The following AMPH variants were observed in gnomAD, a reference collection of about 807,000 sequenced individuals.
The protein encoded by AMPH is amphiphysin.
Under a neutral mutation model 99.1 loss-of-function variants are expected in AMPH, and 49 were observed. The ratio of observed to expected loss-of-function variants is 0.49; its 90% confidence interval spans 0.39 to 0.63. The LOEUF is 0.63. Among genes scored for constraint, AMPH ranks in the 20% least tolerant of loss-of-function variants. The pLI, the probability that AMPH is intolerant of heterozygous loss-of-function variation, is 0.00. For missense variants in AMPH, 759 were observed against 863.4 expected (o/e 0.88, Z 1.52); for synonymous variants, 314 against 317.3 (o/e 0.99, Z 0.11).
chr7:38,505,084 A>G (rs913276277), intron 2 of AMPH, among the ~76,000 whole-genome samples: 1 of 152,196 alleles, frequency 6.6e-6, no homozygotes, highest in Non-Finnish European at 1.5e-5. Context: ...AAAAAACAAA[A>G]CAATTGCACT....
chr7:38,466,651 G>A (rs1025781509), intron 7 of AMPH, among the ~76,000 whole-genome samples: 3 of 151,886 alleles, frequency 2.0e-5, no homozygotes, highest in Admixed American at 6.6e-5. Context: ...CCCGCCCTGA[G>A]AACTTATTTA....
intron 1 of AMPH, among the ~76,000 whole-genome samples, chr7:38,593,112 A>G (rs1792920681): frequency 6.6e-6 from 1 of 152,218 alleles, no homozygotes; most frequent in Admixed American, 6.5e-5. Context: ...CTTACAAAGC[A>G]CTTGGCACAC....
intron 1 of AMPH, among the ~76,000 whole-genome samples, chr7:38,608,241 C>T (rs1370514842): frequency 1.3e-5 from 2 of 152,220 alleles, no homozygotes; most frequent in African/African-American, 2.4e-5. Flanking sequence ...TTGTGAGTAT[C>T]TGAGCACGGC....
chr7:38,517,424 C>A (rs549412752), intron 2 of AMPH, among the ~76,000 whole-genome samples: 1 of 152,286 alleles, frequency 6.6e-6, no homozygotes, highest in African/African-American at 2.4e-5. Context: ...CTGCTTCAGC[C>A]ATGTAAGCTG....
At chr7:38,429,004 C>T in intron 14 of AMPH, 15 of 1,290,020 alleles carry the variant, frequency 1.2e-5, no homozygotes, top group Non-Finnish European at 1.5e-5. Context: ...GCTTTCTCTT[C>T]AAATTCCTCT....
At chr7:38,488,121 C>A (rs1180513932) in intron 5 of AMPH, among the ~76,000 whole-genome samples, 1 of 152,168 alleles carries the variant, frequency 6.6e-6, no homozygotes, top group African/African-American at 2.4e-5. Context: ...TGTGGCAATT[C>A]CTCAAGGATC....
intron 7 of AMPH, among the ~76,000 whole-genome samples, chr7:38,466,651 G>C (rs1025781509): frequency 6.6e-6 from 1 of 151,886 alleles, no homozygotes; most frequent in Admixed American, 6.6e-5. Flanking sequence ...CCCGCCCTGA[G>C]AACTTATTTA....
chr7:38,610,368 GAAA>G (rs1793630012), intron 1 of AMPH, among the ~76,000 whole-genome samples: 1 of 41,660 alleles, frequency 2.4e-5, no homozygotes, highest in Non-Finnish European at 5.1e-5. Context: ...GAAAAGAAAA[GAAA>G]AGAAAGGAAA....
chr7:38,403,478 G>A (rs1196263268), intron 17 of AMPH, among the ~76,000 whole-genome samples: 2 of 152,160 alleles, frequency 1.3e-5, no homozygotes, highest in African/African-American at 4.8e-5. Flanking sequence ...GAAATGGCAG[G>A]TGCCATACCG....
At position 38,406,731 on chromosome 7, in the gene AMPH, CCTCTCTCTCTCTCTCTCT is replaced by C. The variant is rs56738810; in HGVS notation, c.1398+11076_1398+11093del. On this transcript the variant is annotated intron_variant, in intron 17 of 20. Coordinates refer to ENST00000356264, the MANE Select transcript of AMPH (RefSeq NM_001635.4). ...CTCCTCTCCTCTCTCTCTCCCTTTCCCTCTCTCTCTCTCTCTCTCTCTCTCTCTCTCTCTCTCTCTCTC... is the reference window on the plus strand; with the variant it reads ...CTCCTCTCCTCTCTCTCTCCCTTTCCCTCTCTCTCTCTCTCTCTCTCTCTC... Among the ~76,000 whole-genome samples the C allele has an allele frequency of 8.3e-4, 67 of 80,582 alleles. 1 individual carries two copies. The highest frequency in any genetic ancestry group is 3.3e-3 in the African/African-American group (60 of 18,240). The allele number at this position is 80,582 out of a possible 152,430, so 52.9% of individuals were successfully genotyped here. A position where few individuals can be genotyped will look rare whatever the true frequency, so the allele number is the denominator to read the frequency against.
intron 16 of AMPH, chr7:38,420,881 T>G (rs1045385737): frequency 2.2e-6 from 1 of 448,252 alleles, no homozygotes; most frequent in South Asian, 1.6e-5. Context: ...GGCTGGGAGA[T>G]GTACAGCTGA....
chr7:38,545,333 G>A (rs1031303025), intron 1 of AMPH, among the ~76,000 whole-genome samples: 1 of 152,076 alleles, frequency 6.6e-6, no homozygotes, highest in Non-Finnish European at 1.5e-5. Flanking sequence ...AATAAGGGTG[G>A]ATCCGGCTTT....
chr7:38,454,377 C>T (rs530479196), intron 11 of AMPH, among the ~76,000 whole-genome samples: 2 of 152,126 alleles, frequency 1.3e-5, no homozygotes, highest in Non-Finnish European at 2.9e-5. Context: ...TGCATTAGCA[C>T]CTCTTGTAAA....
In AMPH at chr7:38,452,594, T is replaced by C. The variant is rs190494025; in HGVS notation, c.1017+8689A>G. Reference sequence around the variant, plus strand: ...AAATATGGAAGACTTTGAGTCACACTAGTTTTGAAGGGAGCAGTTATGAAT... The same window carrying C: ...AAATATGGAAGACTTTGAGTCACACCAGTTTTGAAGGGAGCAGTTATGAAT... On this transcript the variant is annotated intron_variant, in intron 11 of 20. Coordinates refer to ENST00000356264, the MANE Select transcript of AMPH (RefSeq NM_001635.4). Among the ~76,000 whole-genome samples, 4 of 152,340 alleles carry C rather than the reference T, an allele frequency of 2.6e-5. No homozygotes were observed. The East Asian group carries it at 5.8e-4, about 22-fold the overall frequency.
At chr7:38,630,243 T>A (rs546965383) in intron 1 of AMPH, among the ~76,000 whole-genome samples, 1 of 152,304 alleles carries the variant, frequency 6.6e-6, no homozygotes, top group East Asian at 1.9e-4. Flanking sequence ...TTAGCCGGTG[T>A]TGATTTTCAA....
At chr7:38,459,445 C>T (rs1197860951) in intron 11 of AMPH, among the ~76,000 whole-genome samples, 1 of 151,968 alleles carries the variant, frequency 6.6e-6, no homozygotes, top group African/African-American at 2.4e-5. Context: ...GACTTCTAAA[C>T]ATATTACAAG....
chr7:38,608,088 T>C (rs1490256824), intron 1 of AMPH, among the ~76,000 whole-genome samples: 1 of 152,182 alleles, frequency 6.6e-6, no homozygotes, highest in African/African-American at 2.4e-5. Flanking sequence ...TCTTCTTGCC[T>C]CCACCTCCCA....
At chr7:38,402,893 A>C (rs1251641305) in intron 17 of AMPH, among the ~76,000 whole-genome samples, 1 of 152,186 alleles carries the variant, frequency 6.6e-6, no homozygotes, top group Non-Finnish European at 1.5e-5. Context: ...TTTTTCTTTA[A>C]GAGTAAAATC....
chr7:38,484,627 A>G (rs1788419015), intron 5 of AMPH, among the ~76,000 whole-genome samples: 2 of 152,102 alleles, frequency 1.3e-5, no homozygotes, highest in African/African-American at 2.4e-5. Context: ...AAAGGACACT[A>G]AACAGCAAAC....
Sources: allele counts gnomAD v4.1 joint callset (sites outside exome capture counted in the v4.1 genomes callset), GRCh38; gene constraint gnomAD v4.1.1; transcripts MANE v1.5; gene names NCBI Gene and HGNC (gene_info 2026-07-23, HGNC 2026-07-21).